Variants in FRMD5 observed in about 807,000 individuals in gnomAD.
FRMD5 encodes the protein FERM domain-containing protein 5.
Under a neutral mutation model 69.0 loss-of-function variants are expected in FRMD5, and 20 were observed. The ratio of observed to expected loss-of-function variants is 0.29; its 90% CI spans 0.20 to 0.42. The LOEUF (loss-of-function observed/expected upper bound fraction) is 0.42. Ranked by LOEUF, FRMD5 falls within the 10% of genes least tolerant of loss-of-function variation. FRMD5 has a pLI of 1.00. For synonymous variants in FRMD5, 271 were observed against 260.1 expected (o/e 1.04, Z -0.40); for missense variants, 595 against 708.6 (o/e 0.84, Z 1.82).
chr15:44,148,551 G>A (rs55702397), intron 1 of FRMD5, among the ~76,000 whole-genome samples: 3,453 of 152,226 alleles, frequency 0.023, 138 homozygotes, highest in African/African-American at 0.079. Context: ...GATTACAGGC[G>A]TGAGCCACCG....
chr15:44,030,821 G>T (rs1891646315), intron 1 of FRMD5, among the ~76,000 whole-genome samples: 1 of 152,126 alleles, frequency 6.6e-6, no homozygotes. Context: ...GGAAGAAGAG[G>T]GAAGTGCTGG....
Position 43,874,195 on chromosome 15 carries a change from G to T in FRMD5, c.1403C>A (p.Thr468Asn), listed in dbSNP as rs988406897. 6.2e-7 allele frequency: 1 copy of T among 1,614,256 alleles called. No individual in the cohort carries two copies. The highest frequency in any genetic ancestry group is 8.5e-7 in the Non-Finnish European group (1 of 1,180,044). The change falls in exon 14 of 14, where the codon ACT becomes AAT. Residue 468 changes from threonine to asparagine, a missense_variant. Thr to Asn is a moderately conservative substitution (Grantham distance 65). This residue lies in a region of FRMD5 where 245 missense variants were observed against 227.1 expected (regional missense o/e 1.08). Coordinates refer to ENST00000417257, the MANE Select transcript of FRMD5 (RefSeq NM_032892.5). ...EEKESEASTP[T>N]ATEVEALGGE... ...CCCAAGGGCCTCCACCTCTGTAGCA[G>T]TTGGGGTGCTGGCTTCAGATTCCTT...
At chr15:44,005,930 C>T (rs540018711) in intron 1 of FRMD5, among the ~76,000 whole-genome samples, 14 of 152,294 alleles carry the variant, frequency 9.2e-5, no homozygotes, top group African/African-American at 2.9e-4. Context: ...AGTGCTGATA[C>T]AGAAGCTGCA....
At chr15:44,162,931 T>G (rs1235184753) in intron 1 of FRMD5, among the ~76,000 whole-genome samples, 1 of 150,268 alleles carries the variant, frequency 6.7e-6, no homozygotes, top group Non-Finnish European at 1.5e-5. Context: ...TCCCAGCACT[T>G]TGGGAGGCCA....
At chr15:44,018,131 T>C (rs1329730938) in intron 1 of FRMD5, among the ~76,000 whole-genome samples, 2 of 152,232 alleles carry the variant, frequency 1.3e-5, no homozygotes, top group African/African-American at 4.8e-5. Context: ...CTACTTGAAA[T>C]ATTTGTTCAA....
rs377016158 is a variant in FRMD5, at chr15:43,944,255, C to G, written c.103-19946G>C. 7.2e-5 allele frequency among the ~76,000 whole-genome samples: 11 copies of G among 152,334 alleles called. No homozygotes were observed. In the East Asian group the frequency reaches 1.9e-3, roughly 27 times the overall value. On this transcript the variant is annotated intron_variant, in intron 1 of 13. Transcript: ENST00000417257. Reference sequence around the variant, plus strand: ...CACAGGGCATCACATGATCATGGGGCAGAGTGGGCTAATGTGCTCGGCTCA... The same window carrying G: ...CACAGGGCATCACATGATCATGGGGGAGAGTGGGCTAATGTGCTCGGCTCA...
intron 1 of FRMD5, among the ~76,000 whole-genome samples, chr15:44,191,442 C>G (rs1394052035): frequency 6.6e-6 from 1 of 151,880 alleles, no homozygotes; most frequent in Admixed American, 6.6e-5. Flanking sequence ...AAAAATTGGC[C>G]AGGCATGGTG....
chr15:44,025,445 C>CACACATGTATATATATT (rs1891390966), intron 1 of FRMD5, among the ~76,000 whole-genome samples: 1 of 152,092 alleles, frequency 6.6e-6, no homozygotes, highest in Non-Finnish European at 1.5e-5. Flanking sequence ...TATATACACA[C>CACACATGTATATATATT]ACACAAATAT....
chr15:44,154,638 T>C (rs2077498701), intron 1 of FRMD5, among the ~76,000 whole-genome samples: 2 of 152,232 alleles, frequency 1.3e-5, no homozygotes, highest in South Asian at 2.1e-4. Context: ...CAACACTTTA[T>C]GTGTAAAACC....
intron 1 of FRMD5, among the ~76,000 whole-genome samples, chr15:43,999,968 A>G (rs1566889857): frequency 2.4e-4 from 3 of 12,690 alleles, no homozygotes; most frequent in African/African-American, 3.4e-4. Context: ...ATATATATAT[A>G]TATATATATA....
In FRMD5 at chr15:44,191,356, G is replaced by A. The variant is rs927471810; in HGVS notation, c.102+3597C>T. Among the ~76,000 whole-genome samples the A allele has an allele frequency of 2.0e-4, 30 of 152,060 alleles. 1 individual carries two copies. Among genetic ancestry groups the A allele is most frequent in the Non-Finnish European group, 5.9e-5 (4 of 68,018 alleles). On this transcript the variant is annotated intron_variant, in intron 1 of 13. Coordinates refer to ENST00000417257, the MANE Select transcript of FRMD5 (RefSeq NM_032892.5). ...GTAATCCCAGCACTTTGGGAGGCGA[G>A]GCGGGTGGATCACGAGGTCAAGAGA... is the stretch of plus-strand genomic sequence containing the variant.
rs150268687 is a variant in FRMD5 at position 43,940,399 on chromosome 15, T to C, written c.103-16090A>G. Among the ~76,000 whole-genome samples the C allele has an allele frequency of 7.7e-4, 117 of 152,252 alleles. 2 individuals carry two copies. In the East Asian group the frequency reaches 0.021, roughly 27 times the overall value. On this transcript the variant is annotated intron_variant, in intron 1 of 13. Coordinates refer to ENST00000417257, the MANE Select transcript of FRMD5 (RefSeq NM_032892.5). ...ATAGAATGATTCCCTTGACTATCCA[T>C]TAATTAGAAAGTGAACCTTATTTTT...
intron 13 of FRMD5, chr15:43,876,311 A>G (rs1426861881): frequency 1.9e-6 from 2 of 1,056,174 alleles, no homozygotes; most frequent in Non-Finnish European, 2.9e-6. Flanking sequence ...AAGAATCTGA[A>G]TTCCAAACTA....
chr15:44,063,648 G>T (rs1168562801), intron 1 of FRMD5: 1 of 461,406 alleles, frequency 2.2e-6, no homozygotes, highest in East Asian at 6.1e-5. Flanking sequence ...TGGTCTACAT[G>T]TTCTAGTATG....
At chr15:43,974,456 G>C (rs2090434126) in intron 1 of FRMD5, among the ~76,000 whole-genome samples, 1 of 152,112 alleles carries the variant, frequency 6.6e-6, no homozygotes, top group South Asian at 2.1e-4. Context: ...TATAGGTTAA[G>C]GCTGCTTGCT....
intron 5 of FRMD5, among the ~76,000 whole-genome samples, chr15:43,908,046 A>G (rs1248950515): frequency 1.3e-5 from 2 of 152,230 alleles, no homozygotes; most frequent in African/African-American, 4.8e-5. Context: ...GTAAAACTGT[A>G]GAAAAGACTA....
chr15:43,992,401 T>C (rs976638337), intron 1 of FRMD5, among the ~76,000 whole-genome samples: 2 of 151,804 alleles, frequency 1.3e-5, no homozygotes, highest in South Asian at 4.2e-4. Context: ...TTTTTTGAGA[T>C]GGAGTCTTGC....
At chr15:44,039,265 C>G (rs535188545) in intron 1 of FRMD5, among the ~76,000 whole-genome samples, 4 of 152,232 alleles carry the variant, frequency 2.6e-5, no homozygotes, top group African/African-American at 4.8e-5. Flanking sequence ...CTTAAATGTC[C>G]TTGCCTGACA....
intron 1 of FRMD5, among the ~76,000 whole-genome samples, chr15:43,978,716 T>C (rs952318799): frequency 6.6e-6 from 1 of 152,016 alleles, no homozygotes; most frequent in South Asian, 2.1e-4. Context: ...CACATCCAGC[T>C]AGTTTTTGTA....
Sources: gnomAD v4.1 joint callset for allele counts (sites outside exome capture counted in the v4.1 genomes callset) on GRCh38, gnomAD v4.1.1 for gene constraint, gnomAD v4.1.1 regional missense constraint, MANE v1.5 for transcripts, NCBI Gene and HGNC (gene_info 2026-07-23, HGNC 2026-07-21) for gene names.